DPP10: variants seen among roughly 807,000 people sequenced by gnomAD.
DPP10 encodes the protein inactive dipeptidyl peptidase 10.
DPP10 carries 33 observed loss-of-function variants against 120.9 expected under a neutral mutation model. The ratio of observed to expected loss-of-function variants is 0.27; its 90% confidence interval spans 0.21 to 0.37. The LOEUF is 0.37. DPP10 is among the 10% of genes least tolerant of loss of function. The probability of loss-of-function intolerance (pLI) is 1.00; values close to 1 mark genes in which losing one functional copy is unlikely to be tolerated. For missense variants in DPP10, 816 were observed against 942.8 expected (o/e 0.87, Z 1.76); for synonymous variants, 337 against 326.1 (o/e 1.03, Z -0.36).
intron 1 of DPP10, among the ~76,000 whole-genome samples, chr2:114,829,435 G>C (rs1410694593): frequency 2.7e-5 from 4 of 148,780 alleles, no homozygotes; most frequent in Admixed American, 6.7e-5. Context: ...CCAGGCTGGA[G>C]TGCAATGGCA....
At chr2:115,007,976 C>G (rs1289114414) in intron 1 of DPP10, among the ~76,000 whole-genome samples, 1 of 152,070 alleles carries the variant, frequency 6.6e-6, no homozygotes, top group Admixed American at 6.5e-5. Flanking sequence ...TAGGAAGAAT[C>G]AATATCGTGA....
intron 1 of DPP10, among the ~76,000 whole-genome samples, chr2:114,542,973 C>G (rs1419154060): frequency 6.6e-6 from 1 of 152,082 alleles, no homozygotes; most frequent in Non-Finnish European, 1.5e-5. Flanking sequence ...CAAATAAGCC[C>G]TGGGTTTGCT....
Position 114,636,554 on chromosome 2 carries a change from A to T in DPP10, c.60+193716A>T, listed in dbSNP as rs528533979. On this transcript the variant is annotated intron_variant, in intron 1 of 25. Transcript: ENST00000410059. ...AGGAAAACTGTTTAGACCTTGAGGA[A>T]CACTACAAAGTGTCTTGGAGATCCC... Among the ~76,000 whole-genome samples, 12 of 152,098 alleles carry T rather than the reference A, an allele frequency of 7.9e-5. No homozygotes were observed. The South Asian group carries it at 2.5e-3, about 32-fold the overall frequency.
chr2:114,788,951 G>A (rs1264882913), intron 1 of DPP10, among the ~76,000 whole-genome samples: 1 of 152,080 alleles, frequency 6.6e-6, no homozygotes, highest in African/African-American at 2.4e-5. Flanking sequence ...TAATAAAGTG[G>A]ATGAAGTAGG....
chr2:114,567,102 C>T (rs1455779361), intron 1 of DPP10, among the ~76,000 whole-genome samples: 2 of 152,284 alleles, frequency 1.3e-5, no homozygotes, highest in South Asian at 2.1e-4. Context: ...TGGCTCCAGA[C>T]AGTAGGTGTT....
At chr2:114,460,165 G>T (rs1389964420) in intron 1 of DPP10, among the ~76,000 whole-genome samples, 1 of 145,312 alleles carries the variant, frequency 6.9e-6, no homozygotes, top group Non-Finnish European at 1.5e-5. Flanking sequence ...ATGCATTTGG[G>T]ATGATATCTA....
At chr2:115,064,213 T>C (rs776717318) in intron 1 of DPP10, among the ~76,000 whole-genome samples, 3 of 152,200 alleles carry the variant, frequency 2.0e-5, no homozygotes, top group Non-Finnish European at 4.4e-5. Flanking sequence ...ATGTTTATTA[T>C]GCCTACAAAC....
At chr2:114,601,500 G>A (rs1344054925) in intron 1 of DPP10, among the ~76,000 whole-genome samples, 1 of 151,742 alleles carries the variant, frequency 6.6e-6, no homozygotes. Flanking sequence ...TGGGGAGGGA[G>A]GTCTTATAAG....
chr2:114,576,610 A>G (rs553922022), intron 1 of DPP10, among the ~76,000 whole-genome samples: 256 of 152,286 alleles, frequency 1.7e-3, no homozygotes, highest in African/African-American at 6.0e-3. Context: ...GTACAGGACA[A>G]GGTAGGGAAG....
At chr2:114,715,424 T>A (rs1701286058) in intron 1 of DPP10, among the ~76,000 whole-genome samples, 1 of 152,044 alleles carries the variant, frequency 6.6e-6, no homozygotes, top group Non-Finnish European at 1.5e-5. Flanking sequence ...AAAAAATCAA[T>A]ATTGATGTGT....
At chr2:114,691,602 T>C (rs557360820) in intron 1 of DPP10, among the ~76,000 whole-genome samples, 51 of 151,096 alleles carry the variant, frequency 3.4e-4, no homozygotes, top group South Asian at 3.1e-3. Flanking sequence ...GAAGAAGTCA[T>C]TCAATTTTTT....
At chr2:115,568,027 A>C (rs1228511250) in intron 5 of DPP10, among the ~76,000 whole-genome samples, 1 of 152,058 alleles carries the variant, frequency 6.6e-6, no homozygotes, top group Non-Finnish European at 1.5e-5. Flanking sequence ...AATACAAAAA[A>C]ATTAGCCAGG....
chr2:115,600,055 T>TG (rs1360710314), intron 5 of DPP10, among the ~76,000 whole-genome samples: 3 of 152,074 alleles, frequency 2.0e-5, no homozygotes, highest in Admixed American at 2.0e-4. Flanking sequence ...CACCTGTTTT[T>TG]TTTGTTTGTT....
At chr2:115,611,247 A>G (rs1322491753) in intron 5 of DPP10, among the ~76,000 whole-genome samples, 1 of 152,210 alleles carries the variant, frequency 6.6e-6, no homozygotes, top group Non-Finnish European at 1.5e-5. Context: ...CTTTTGAAGA[A>G]GAGCGTATTT....
chr2:115,321,118 G>A (rs2062035467), intron 2 of DPP10, among the ~76,000 whole-genome samples: 2 of 152,098 alleles, frequency 1.3e-5, no homozygotes, highest in African/African-American at 4.8e-5. Context: ...TGGCCAACAT[G>A]GCAAAACCCT....
intron 3 of DPP10, among the ~76,000 whole-genome samples, chr2:115,481,639 C>T (rs959458153): frequency 2.0e-5 from 3 of 151,832 alleles, no homozygotes; most frequent in South Asian, 2.1e-4. Flanking sequence ...ATTATTTTGT[C>T]GACTTTTTTC....
In DPP10 at chr2:114,834,890, ATATATAAGCCATATCTACACACCTATGT is replaced by A. The variant is rs1393471320; in HGVS notation, c.60+392053_60+392080del. On this transcript the variant is annotated intron_variant, in intron 1 of 25. Transcript: ENST00000410059. ...AAAAGACATATCTACACAACTATGTATATATAAGCCATATCTACACACCTATGTATATATAAGCCATATCTACACACCT... is the reference window on the plus strand; with the variant it reads ...AAAAGACATATCTACACAACTATGTAATATATAAGCCATATCTACACACCT... Among the ~76,000 whole-genome samples, 414 of 148,558 alleles carry A rather than the reference ATATATAAGCCATATCTACACACCTATGT, an allele frequency of 2.8e-3. 28 individuals are homozygous for A. Among genetic ancestry groups the A allele is most frequent in the African/African-American group, 1.0e-2 (382 of 38,290 alleles).
intron 4 of DPP10, among the ~76,000 whole-genome samples, chr2:115,504,197 T>G (rs1256049919): frequency 6.6e-6 from 1 of 152,066 alleles, no homozygotes; most frequent in Non-Finnish European, 1.5e-5. Flanking sequence ...CCCAGTTTTC[T>G]TACAATTTTT....
intron 1 of DPP10, among the ~76,000 whole-genome samples, chr2:114,560,318 A>AT (rs941019270): frequency 2.4e-4 from 37 of 152,032 alleles, no homozygotes; most frequent in South Asian, 2.1e-4. Flanking sequence ...TACCACTATA[A>AT]TTTTTTTTAA....
Sources: gnomAD v4.1 joint callset for allele counts (sites outside exome capture counted in the v4.1 genomes callset) on GRCh38, gnomAD v4.1.1 for gene constraint, MANE v1.5 for transcripts, NCBI Gene and HGNC (gene_info 2026-07-23, HGNC 2026-07-21) for gene names.